SGCD: variants seen among roughly 807,000 people sequenced by gnomAD.
The protein encoded by SGCD is delta-sarcoglycan.
In SGCD, 18 loss-of-function variants were observed where a neutral mutation model predicts 36.6. The observed-to-expected ratio is 0.49, with a 90% confidence interval of 0.34 to 0.73. The LOEUF (loss-of-function observed/expected upper bound fraction) is 0.73, where lower values mean the gene tolerates loss of function less well. SGCD is among the 30% of genes least tolerant of loss of function. The probability of loss-of-function intolerance (pLI) is 0.01; values close to 1 mark genes in which losing one functional copy is unlikely to be tolerated. For missense variants in SGCD, 387 were observed against 346.7 expected (o/e 1.12, Z -0.92); for synonymous variants, 133 against 130.6 (o/e 1.02, Z -0.12).
chr5:156,763,131 G>T lies in SGCD; in HGVS notation c.*3741G>T, dbSNP rs560745053. The T allele has an allele frequency of 6.6e-6, 1 of 151,470 alleles. No homozygotes were observed. Among genetic ancestry groups the T allele is most frequent in the Admixed American group, 6.6e-5 (1 of 15,262 alleles). 9.4% of individuals were successfully genotyped at this position (151,470 alleles called of 1,614,324 possible). A position where few individuals can be genotyped will look rare whatever the true frequency, so the allele number is the denominator to read the frequency against. On this transcript the variant is annotated 3_prime_UTR_variant, in exon 9 of 9. Coordinates refer to ENST00000337851, the MANE Select transcript of SGCD (RefSeq NM_000337.6). ...ACCCTTAATTGATAGACCATACCAG[G>T]TTCTGCAGGTCAGCATCATTGTGTA...
At chr5:156,177,481 G>T (rs2127625044) in intron 3 of SGCD, among the ~76,000 whole-genome samples, 1 of 152,162 alleles carries the variant, frequency 6.6e-6, no homozygotes, top group South Asian at 2.1e-4. Flanking sequence ...TGGAAAACAT[G>T]GGCACAGCAA....
intron 1 of SGCD, among the ~76,000 whole-genome samples, chr5:156,009,212 A>G (rs1198988573): frequency 6.6e-6 from 1 of 152,214 alleles, no homozygotes; most frequent in African/African-American, 2.4e-5. Flanking sequence ...AGATTTTTAC[A>G]TAAGATTTAT....
the SGCD span, among the ~76,000 whole-genome samples, chr5:155,785,135 G>A: frequency 6.6e-6 from 1 of 152,078 alleles, no homozygotes; most frequent in Non-Finnish European, 1.5e-5. Context: ...AATGAATGAT[G>A]CATAGAAAAT....
chr5:156,148,899 G>A (rs1457765288), intron 3 of SGCD, among the ~76,000 whole-genome samples: 1 of 152,148 alleles, frequency 6.6e-6, no homozygotes, highest in Non-Finnish European at 1.5e-5. Flanking sequence ...CCTGGTACAA[G>A]GTATATCCGC....
intron 6 of SGCD, among the ~76,000 whole-genome samples, chr5:156,599,409 C>A (rs1761077428): frequency 6.6e-6 from 1 of 151,982 alleles, no homozygotes. Flanking sequence ...GAATGAATGA[C>A]TATAATAAGA....
chr5:156,096,650 G>A (rs1335106126), intron 1 of SGCD, among the ~76,000 whole-genome samples: 1 of 152,114 alleles, frequency 6.6e-6, no homozygotes, highest in Non-Finnish European at 1.5e-5. Context: ...TCAAGATTCA[G>A]TCCCTGGATT....
At chr5:155,839,018 C>T in the SGCD span, among the ~76,000 whole-genome samples, 1 of 151,846 alleles carries the variant, frequency 6.6e-6, no homozygotes, top group African/African-American at 2.4e-5. Flanking sequence ...ATACATTTTC[C>T]TAAAGGGAGA....
the SGCD span, among the ~76,000 whole-genome samples, chr5:155,858,302 G>C: frequency 6.6e-6 from 1 of 152,024 alleles, no homozygotes; most frequent in South Asian, 2.1e-4. Context: ...GGGTATGGTG[G>C]ATAGATTCAT....
chr5:156,448,731 C>CTTTTTTTT (rs1158844774), intron 3 of SGCD, among the ~76,000 whole-genome samples: 1,562 of 76,122 alleles, frequency 0.021, 91 homozygotes, highest in African/African-American at 0.031. Context: ...TTTTCTTTTT[C>CTTTTTTTT]TTTTTTTTTT....
At chr5:155,881,529 C>A (rs1000979758) in intron 1 of SGCD, among the ~76,000 whole-genome samples, 6 of 152,156 alleles carry the variant, frequency 3.9e-5, no homozygotes, top group African/African-American at 1.2e-4. Context: ...TTTATGCTGG[C>A]AGAGGGCCTT....
intron 3 of SGCD, among the ~76,000 whole-genome samples, chr5:156,419,786 A>G (rs935471557): frequency 6.6e-6 from 1 of 152,106 alleles, no homozygotes; most frequent in African/African-American, 2.4e-5. Context: ...CTGCACTAGG[A>G]CCTAGGCCTA....
At chr5:156,308,212 C>T (rs1174048358) in intron 3 of SGCD, among the ~76,000 whole-genome samples, 1 of 151,952 alleles carries the variant, frequency 6.6e-6, no homozygotes, top group Non-Finnish European at 1.5e-5. Context: ...TCTCAGAAAA[C>T]TTACAATCGT....
intron 3 of SGCD, among the ~76,000 whole-genome samples, chr5:156,185,375 C>T (rs980681029): frequency 1.4e-4 from 22 of 151,950 alleles, no homozygotes; most frequent in Admixed American, 3.3e-4. Context: ...CCACCATGCC[C>T]GGCAAATTTT....
rs1024859227 is a variant in SGCD, at chr5:156,012,975, A to G, written c.-281-104903A>G. Among the ~76,000 whole-genome samples, 5 of 148,582 alleles carry G rather than the reference A, an allele frequency of 3.4e-5. No homozygotes were observed. The Admixed American group carries it at 3.4e-4, about 10-fold the overall frequency. On this transcript the variant is annotated intron_variant, in intron 1 of 9. Coordinates refer to the SGCD transcript ENST00000517913. Reference sequence around the variant, plus strand: ...TATATTTATTATTTATATATATAATATGTATACAAGTAGTGTCTTTTCATT... The same window carrying G: ...TATATTTATTATTTATATATATAATGTGTATACAAGTAGTGTCTTTTCATT...
chr5:156,344,710 C>A, intron 3 of SGCD, 33 bp downstream of exon 3: 3 of 1,525,954 alleles, frequency 2.0e-6, no homozygotes, highest in African/African-American at 1.4e-5. Context: ...GTTTAGCTTT[C>A]TTCCGGGAGG....
At chr5:156,440,503 G>A (rs1018801868) in intron 3 of SGCD, among the ~76,000 whole-genome samples, 3 of 152,034 alleles carry the variant, frequency 2.0e-5, no homozygotes, top group African/African-American at 7.2e-5. Flanking sequence ...GGGTTATATG[G>A]CAACTCCAGG....
At chr5:156,269,049 T>C (rs185086014) in intron 3 of SGCD, among the ~76,000 whole-genome samples, 7 of 152,230 alleles carry the variant, frequency 4.6e-5, no homozygotes, top group East Asian at 1.9e-4. Flanking sequence ...AGAGATTTAA[T>C]TGGATTTACA....
At chr5:155,733,014 G>GTTTTTTT in the SGCD span, among the ~76,000 whole-genome samples, 1 of 141,566 alleles carries the variant, frequency 7.1e-6, no homozygotes, top group African/African-American at 2.7e-5. Flanking sequence ...TGTTATACTC[G>GTTTTTTT]TTTTTTTTTT....
intron 1 of SGCD, among the ~76,000 whole-genome samples, chr5:156,000,814 A>ATG (rs942775546): frequency 4.6e-5 from 7 of 151,502 alleles, no homozygotes; most frequent in African/African-American, 1.7e-4. Flanking sequence ...ATATATATAT[A>ATG]TTTTTGCCCT....
Sources: gnomAD v4.1 joint callset for allele counts (sites outside exome capture counted in the v4.1 genomes callset) on GRCh38, gnomAD v4.1.1 for gene constraint, MANE v1.5 for transcripts, NCBI Gene and HGNC (gene_info 2026-07-23, HGNC 2026-07-21) for gene names.